Variants in HTR2C observed in about 807,000 individuals in gnomAD.
HTR2C encodes 5-hydroxytryptamine receptor 2C, also known as 5-hydroxytryptamine (serotonin) receptor 2C, G protein-coupled.
In HTR2C, 5 loss-of-function variants were observed where a neutral mutation model predicts 21.0. The ratio of observed to expected loss-of-function variants is 0.24; its 90% CI spans 0.12 to 0.50. The LOEUF (loss-of-function observed/expected upper bound fraction) is 0.50. Ranked by LOEUF, HTR2C falls within the 20% of genes least tolerant of loss-of-function variation. The pLI, the probability that HTR2C is intolerant of heterozygous loss-of-function variation, is 0.98. For synonymous variants in HTR2C, 150 were observed against 145.3 expected (o/e 1.03, Z -0.23); for missense variants, 271 against 371.2 (o/e 0.73, Z 2.22).
intron 2 of HTR2C, among the ~76,000 whole-genome samples, chrX:114,641,055 T>TCTTTTTTTC (rs1556406337): frequency 1.2e-3 from 117 of 101,430 alleles, no homozygotes; most frequent in African/African-American, 4.4e-3. Flanking sequence ...TTTCTTTCTT[T>TCTTTTTTTC]TTTTCTTTTC....
At chrX:114,761,296 T>C (rs2069863706) in intron 4 of HTR2C, among the ~76,000 whole-genome samples, 1 of 111,284 alleles carries the variant, frequency 9.0e-6, no homozygotes, top group Non-Finnish European at 1.9e-5. Flanking sequence ...CAGAAATAAG[T>C]CTGGTAGCTA....
At position 114,584,115 on chromosome X, in the gene HTR2C, C is replaced by T. The variant is rs782817773; in HGVS notation, c.-691C>T. The T allele has an allele frequency of 8.9e-6, 1 of 112,360 alleles. No individual in the cohort carries two copies. Among genetic ancestry groups the T allele is most frequent in the South Asian group, 3.7e-4 (1 of 2,676 alleles). The allele number at this position is 112,360 out of a possible 1,213,427, so 9.3% of individuals were successfully genotyped here. On this transcript the variant is annotated 5_prime_UTR_variant, in exon 1 of 6. It adds an upstream start codon to the 5' untranslated region. Coordinates refer to ENST00000276198, the MANE Select transcript of HTR2C (RefSeq NM_000868.4). Reference sequence around the variant, plus strand: ...TAGGCGCTCTGGTGCTTGCCGAGGACGCTTCCTTCCTCAGATGCACCGATC... The same window carrying T: ...TAGGCGCTCTGGTGCTTGCCGAGGATGCTTCCTTCCTCAGATGCACCGATC...
chrX:114,895,109 A>G (rs1453668681), intron 5 of HTR2C, among the ~76,000 whole-genome samples: 3 of 111,803 alleles, frequency 2.7e-5, no homozygotes, highest in Non-Finnish European at 5.7e-5. Context: ...GGGAGGAAAG[A>G]CACACTGAGG....
At chrX:114,681,948 T>A (rs1401030172) in intron 2 of HTR2C, among the ~76,000 whole-genome samples, 5 of 111,217 alleles carry the variant, frequency 4.5e-5, no homozygotes, top group African/African-American at 1.6e-4. Flanking sequence ...ACAAATAAAA[T>A]GCATTCAATA....
chrX:114,637,660 C>T (rs1403411898), intron 2 of HTR2C, among the ~76,000 whole-genome samples: 1 of 111,450 alleles, frequency 9.0e-6, no homozygotes, highest in African/African-American at 3.3e-5. Context: ...GATCCAAATT[C>T]TGTGCCTCAT....
At chrX:114,889,368 T>C (rs1556482371) in intron 5 of HTR2C, among the ~76,000 whole-genome samples, 1 of 111,655 alleles carries the variant, frequency 9.0e-6, no homozygotes, top group Non-Finnish European at 1.9e-5. Context: ...TGCCATGGGC[T>C]TCCCTTACTT....
At chrX:114,796,774 C>T (rs2070297675) in intron 4 of HTR2C, among the ~76,000 whole-genome samples, 1 of 111,325 alleles carries the variant, frequency 9.0e-6, no homozygotes, top group African/African-American at 3.3e-5. Flanking sequence ...GACTCAGTAC[C>T]TTCTGTGCCT....
rs182373731 is a variant in HTR2C at position 114,766,522 on chromosome X, C to T, written c.349+34915C>T. Among the ~76,000 whole-genome samples the T allele has an allele frequency of 1.3e-3, 141 of 111,477 alleles. 1 individual carries two copies. The highest frequency in any genetic ancestry group is 2.1e-3 in the Non-Finnish European group (111 of 52,876). On this transcript the variant is annotated intron_variant, in intron 4 of 5. Coordinates refer to ENST00000276198, the MANE Select transcript of HTR2C (RefSeq NM_000868.4). ...TATATCCATAATCCTCACTCTTAAA[C>T]ATTATGCGATGAATAAGAATAGCCT...
At position 114,759,504 on chromosome X, in the gene HTR2C, A is replaced by G. The variant is rs782046064; in HGVS notation, c.349+27897A>G. Among the ~76,000 whole-genome samples the G allele has an allele frequency of 2.7e-5, 3 of 112,380 alleles. No homozygotes were observed. In the South Asian group the frequency reaches 1.1e-3, roughly 41 times the overall value. On this transcript the variant is annotated intron_variant, in intron 4 of 5. Transcript: ENST00000276198. ...ATTAAGGTTATATGTTTAAAACTTA[A>G]CTGCTTTGGCATATAAATTGCATCT...
At chrX:114,862,569 C>A (rs2071014514) in intron 5 of HTR2C, among the ~76,000 whole-genome samples, 1 of 110,419 alleles carries the variant, frequency 9.1e-6, no homozygotes, top group African/African-American at 3.3e-5. Context: ...TTGCTTTGGG[C>A]AGTATGAACA....
chrX:114,790,373 T>G (rs999641537), intron 4 of HTR2C, among the ~76,000 whole-genome samples: 10 of 111,962 alleles, frequency 8.9e-5, no homozygotes, highest in African/African-American at 3.2e-4. Context: ...GAGTTTTAAA[T>G]GCAATTTCTT....
chrX:114,770,803 C>T (rs1202190897), intron 4 of HTR2C, among the ~76,000 whole-genome samples: 3 of 80,705 alleles, frequency 3.7e-5, no homozygotes, highest in Middle Eastern at 7.5e-3. Flanking sequence ...TTCTTTCTTC[C>T]TTTTTTTTTT....
intron 2 of HTR2C, chrX:114,715,186 C>T: frequency 1.0e-5 from 3 of 293,748 alleles, no homozygotes; most frequent in East Asian, 9.2e-5. Context: ...TGTTTCTTTC[C>T]CCTTTATATA....
intron 5 of HTR2C, among the ~76,000 whole-genome samples, chrX:114,887,136 T>G (rs1409840808): frequency 8.9e-6 from 1 of 112,301 alleles, no homozygotes; most frequent in African/African-American, 3.2e-5. Flanking sequence ...GAAATAGTTA[T>G]TCTTGTCTAC....
intron 4 of HTR2C, among the ~76,000 whole-genome samples, chrX:114,761,547 C>T (rs1556432308): frequency 9.0e-6 from 1 of 111,008 alleles, no homozygotes; most frequent in Non-Finnish European, 1.9e-5. Flanking sequence ...TAACCCCAGG[C>T]ATTCTGCAAA....
At position 114,814,251 on chromosome X, in the gene HTR2C, G is replaced by A. The variant is rs183628170; in HGVS notation, c.350-33752G>A. On this transcript the variant is annotated intron_variant, in intron 4 of 5. Coordinates refer to ENST00000276198, the MANE Select transcript of HTR2C (RefSeq NM_000868.4). ...AAGTAACCTAATTCTTCATGATATA[G>A]TATGCCTTTTTAGTCAAGTTTTATT... Among the ~76,000 whole-genome samples, 5 of 110,621 alleles carry A rather than the reference G, an allele frequency of 4.5e-5. No homozygotes were observed. In the East Asian group the frequency reaches 1.4e-3, roughly 31 times the overall value.
intron 4 of HTR2C, among the ~76,000 whole-genome samples, chrX:114,733,694 C>T (rs1379798657): frequency 9.1e-6 from 1 of 109,601 alleles, no homozygotes; most frequent in Non-Finnish European, 1.9e-5. Flanking sequence ...ACCCATCACC[C>T]CTCCCTCTAC....
At chrX:114,647,115 G>A (rs1331046372) in intron 2 of HTR2C, among the ~76,000 whole-genome samples, 1 of 111,057 alleles carries the variant, frequency 9.0e-6, no homozygotes, top group African/African-American at 3.3e-5. Context: ...GTTGTTGGTC[G>A]AAGAGTAAAA....
intron 2 of HTR2C, among the ~76,000 whole-genome samples, chrX:114,725,893 C>G (rs1305592401): frequency 9.2e-6 from 1 of 108,594 alleles, no homozygotes; most frequent in African/African-American, 3.3e-5. Context: ...CAGCTGCATG[C>G]TGGGAGAACC....
Sources: allele counts gnomAD v4.1 joint callset (sites outside exome capture counted in the v4.1 genomes callset), GRCh38; gene constraint gnomAD v4.1.1; transcripts MANE v1.5; gene names NCBI Gene and HGNC (gene_info 2026-07-23, HGNC 2026-07-21).